Variants in ME3 observed in about 807,000 individuals in gnomAD.
The protein encoded by ME3 is NADP-dependent malic enzyme, mitochondrial.
Under a neutral mutation model 68.9 loss-of-function variants are expected in ME3, and 48 were observed. The observed-to-expected ratio is 0.70, with a 90% CI of 0.55 to 0.89. The LOEUF (loss-of-function observed/expected upper bound fraction) is 0.89. Ranked by LOEUF, ME3 falls within the 40% of genes least tolerant of loss-of-function variation. The probability of loss-of-function intolerance (pLI) is 0.00; values close to 1 mark genes in which losing one functional copy is unlikely to be tolerated. For synonymous variants in ME3, 320 were observed against 318.8 expected (o/e 1.00, Z -0.04); for missense variants, 675 against 797.4 (o/e 0.85, Z 1.85).
rs1451295295 is a variant in ME3 at position 86,447,768 on chromosome 11, GAA to G, written c.1237+380_1237+381del. ...AGCTACTTGGGAGGCTGAGGCAGGA[GAA>G]TCACTTGAACCCAGGGGGCGGAGGT... On this transcript the variant is annotated intron_variant, in intron 11 of 14. Transcript: ENST00000543262. Among the ~76,000 whole-genome samples the G allele has an allele frequency of 3.0e-4, 45 of 149,250 alleles. No homozygotes were observed. In the East Asian group the frequency reaches 8.1e-3, roughly 27 times the overall value.
intron 6 of ME3, among the ~76,000 whole-genome samples, chr11:86,493,092 G>T (rs1292196956): frequency 1.3e-5 from 2 of 152,182 alleles, no homozygotes; most frequent in African/African-American, 4.8e-5. Context: ...TGAGCTCTAT[G>T]ATGGCACCAC....
intron 2 of ME3, among the ~76,000 whole-genome samples, chr11:86,629,774 C>T (rs530344041): frequency 1.3e-5 from 2 of 152,330 alleles, no homozygotes; most frequent in East Asian, 3.9e-4. Context: ...AGGCAGCTTA[C>T]AGAACTTACC....
intron 8 of ME3, among the ~76,000 whole-genome samples, chr11:86,453,841 A>G (rs1949772239): frequency 6.6e-6 from 1 of 152,230 alleles, no homozygotes; most frequent in Non-Finnish European, 1.5e-5. Flanking sequence ...CTAGTCTCAT[A>G]GCTGCCACTC....
At chr11:86,547,579 A>G (rs1956441499) in intron 4 of ME3, among the ~76,000 whole-genome samples, 2 of 152,280 alleles carry the variant, frequency 1.3e-5, no homozygotes, top group East Asian at 1.9e-4. Flanking sequence ...GTGTATACCT[A>G]TGTAACAAAC....
At chr11:86,606,925 T>C (rs1434411467) in intron 2 of ME3, among the ~76,000 whole-genome samples, 1 of 152,214 alleles carries the variant, frequency 6.6e-6, no homozygotes, top group Non-Finnish European at 1.5e-5. Flanking sequence ...AGCAAATTCA[T>C]TCAGGATTCA....
rs140478684 is a variant in ME3 at position 86,595,320 on chromosome 11, G to GAGAGAGAGAGAGAGAGAGAGAGAC, written c.184-35498_184-35497insGTCTCTCTCTCTCTCTCTCTCTCT. Reference sequence around the variant, plus strand: ...ATATATATATATAGAGAGAGAGAGAGAGAGAGAGAGAGCTTATTATGTATC... The same window carrying GAGAGAGAGAGAGAGAGAGAGAGAC: ...ATATATATATATAGAGAGAGAGAGAGAGAGAGAGAGAGAGAGAGAGAGACAGAGAGAGAGAGCTTATTATGTATC... On this transcript the variant is annotated intron_variant, in intron 2 of 14. Coordinates refer to ENST00000543262, the Ensembl canonical transcript of ME3. Among the ~76,000 whole-genome samples, 427 of 138,646 alleles carry GAGAGAGAGAGAGAGAGAGAGAGAC rather than the reference G, an allele frequency of 3.1e-3. 24 individuals carry two copies. The highest frequency in any genetic ancestry group is 7.4e-3 in the African/African-American group (269 of 36,534). 91.0% of individuals were successfully genotyped at this position (138,646 alleles called of 152,430 possible).
In ME3 at chr11:86,546,263, T is replaced by A. The variant is rs1437681164; in HGVS notation, c.467+10290A>T. On this transcript the variant is annotated intron_variant, in intron 4 of 14. Transcript: ENST00000543262. ...TCAGGACACAGACATGGGCAAAGAC[T>A]TCATGACTAAAACACCAAAAGCAGT... Among the ~76,000 whole-genome samples the A allele has an allele frequency of 2.6e-5, 4 of 152,248 alleles. No individual in the cohort carries two copies. In the East Asian group the frequency reaches 7.7e-4, roughly 29 times the overall value.
chr11:86,508,724 A>G (rs1280075219), intron 5 of ME3, 68 bp downstream of exon 5: 5 of 1,430,600 alleles, frequency 3.5e-6, no homozygotes, highest in South Asian at 1.2e-5. Flanking sequence ...ATAGATGGAA[A>G]TGACTCTGGT....
At chr11:86,504,837 C>A (rs1031828182) in intron 5 of ME3, among the ~76,000 whole-genome samples, 2 of 151,580 alleles carry the variant, frequency 1.3e-5, no homozygotes, top group African/African-American at 4.8e-5. Flanking sequence ...ACTACAGGCG[C>A]CTGCCACCAC....
At chr11:86,564,777 G>A (rs1429363771) in intron 2 of ME3, among the ~76,000 whole-genome samples, 1 of 152,020 alleles carries the variant, frequency 6.6e-6, no homozygotes, top group Non-Finnish European at 1.5e-5. Context: ...TTCTGATCTT[G>A]GATTTAGCAA....
intron 8 of ME3, among the ~76,000 whole-genome samples, chr11:86,455,831 A>G (rs964841362): frequency 3.9e-5 from 6 of 152,218 alleles, no homozygotes; most frequent in Non-Finnish European, 8.8e-5. Context: ...TACTGCATTC[A>G]AAAGAAACAC....
chr11:86,646,755 T>A (rs879751713), intron 2 of ME3, among the ~76,000 whole-genome samples: 5 of 151,814 alleles, frequency 3.3e-5, no homozygotes, highest in Admixed American at 2.6e-4. Context: ...AATCATCAGA[T>A]TCACCAAGAT....
chr11:86,549,697 A>G (rs994040037), intron 4 of ME3, among the ~76,000 whole-genome samples: 8 of 152,202 alleles, frequency 5.3e-5, no homozygotes, highest in Non-Finnish European at 1.0e-4. Flanking sequence ...GGGTAATTAC[A>G]TGAGGGAGTC....
chr11:86,445,130 A>G (rs1000892906), intron 13 of ME3, among the ~76,000 whole-genome samples: 2 of 152,218 alleles, frequency 1.3e-5, no homozygotes, highest in Non-Finnish European at 1.5e-5. Flanking sequence ...TTTCCATCCA[A>G]TGGGGACTTC....
At chr11:86,440,919 A>G (rs1261874404), downstream of ME3, among the ~76,000 whole-genome samples, 1 of 152,000 alleles carries the variant, frequency 6.6e-6, no homozygotes, top group Non-Finnish European at 1.5e-5. Flanking sequence ...TGAACTTACC[A>G]CTTTCTCCCT....
Position 86,647,135 on chromosome 11 carries a change from T to C in ME3, c.183+24627A>G, listed in dbSNP as rs544749829. Among the ~76,000 whole-genome samples the C allele has an allele frequency of 2.0e-5, 3 of 152,318 alleles. No homozygotes were observed. The East Asian group carries it at 5.8e-4, about 29-fold the overall frequency. On this transcript the variant is annotated intron_variant, in intron 2 of 14. Transcript: ENST00000543262. ...AAGACGATTGACACTGTGAAGAAACTGCATCAACTAATGGGCAAAATAACC... is the reference window on the plus strand; with the variant it reads ...AAGACGATTGACACTGTGAAGAAACCGCATCAACTAATGGGCAAAATAACC...
At chr11:86,506,200 C>T (rs1399035771) in intron 5 of ME3, among the ~76,000 whole-genome samples, 4 of 152,138 alleles carry the variant, frequency 2.6e-5, no homozygotes, top group Admixed American at 6.5e-5. Flanking sequence ...TTATTTGGGG[C>T]CTGCTGGAGT....
intron 2 of ME3, among the ~76,000 whole-genome samples, chr11:86,665,379 T>C (rs1042907025): frequency 1.3e-5 from 2 of 151,992 alleles, no homozygotes; most frequent in African/African-American, 4.8e-5. Flanking sequence ...TGAGAAACTT[T>C]GAAAAAGGGA....
intron 2 of ME3, among the ~76,000 whole-genome samples, chr11:86,645,426 C>G (rs1302342341): frequency 6.6e-6 from 1 of 152,180 alleles, no homozygotes; most frequent in Non-Finnish European, 1.5e-5. Flanking sequence ...TTTCCCCTCA[C>G]AGTGTAAACA....
Sources: allele counts gnomAD v4.1 joint callset (sites outside exome capture counted in the v4.1 genomes callset), GRCh38; gene constraint gnomAD v4.1.1; transcripts MANE v1.5; gene names NCBI Gene and HGNC (gene_info 2026-07-23, HGNC 2026-07-21).